Variants in PDK1 observed in about 807,000 individuals in gnomAD.
PDK1 encodes pyruvate dehydrogenase kinase 1.
In PDK1, 39 loss-of-function variants were observed where a neutral mutation model predicts 54.2. That is an observed-to-expected ratio of 0.72 (90% CI 0.56 to 0.94). PDK1 has a LOEUF of 0.94. PDK1 is among the 40% of genes least tolerant of loss of function. The pLI is 0.00. For missense variants in PDK1, 552 were observed against 566.0 expected, an observed-to-expected ratio of 0.98 and a Z score of 0.25; for synonymous variants, 221 against 207.1, an observed-to-expected ratio of 1.07 and a Z score of -0.58.
chr2:172,556,205 C>T lies in PDK1; in HGVS notation c.55C>T (p.Leu19=). ...CGCCTTGGCCGGCCCGGGCCCGGGGCTGCGCGCCGCCGGCTTCAGCCGCAG... is the reference window on the plus strand; with the variant it reads ...CGCCTTGGCCGGCCCGGGCCCGGGGTTGCGCGCCGCCGGCTTCAGCCGCAG... ...GAALAGPGPG[L]RAAGFSRSFS... The change falls in exon 1 of 11, where the codon CTG becomes TTG. Residue 19 remains leucine (L), a synonymous_variant. Coordinates refer to ENST00000282077, the MANE Select transcript of PDK1 (RefSeq NM_002610.5). 1 of 1,417,254 alleles carries T rather than the reference C, an allele frequency of 7.1e-7. No homozygotes were observed. The highest frequency in any genetic ancestry group is 1.5e-5 in the South Asian group (1 of 67,830). 87.8% of individuals were successfully genotyped at this position (1,417,254 alleles called of 1,614,324 possible).
intron 2 of PDK1, among the ~76,000 whole-genome samples, chr2:172,560,154 T>G (rs1055861030): frequency 1.3e-5 from 2 of 152,244 alleles, no homozygotes; most frequent in Admixed American, 6.5e-5. Context: ...CTGTTTATTA[T>G]TTTTTAAATT....
chr2:172,664,217 G>A, the PDK1 span, among the ~76,000 whole-genome samples: 2 of 137,912 alleles, frequency 1.5e-5, no homozygotes, highest in African/African-American at 5.5e-5. Context: ...AGGCTGAGGT[G>A]GGAGAATTGC....
chr2:172,570,777 C>G lies in PDK1; in HGVS notation c.898C>G (p.Pro300Ala), dbSNP rs755995707. Reference sequence around the variant, plus strand: ...CCATGCCAACAGAGGTGTTTACCCCCCTATTCAAGTTCATGTCACGCTGGG... The same window carrying G: ...CCATGCCAACAGAGGTGTTTACCCCGCTATTCAAGTTCATGTCACGCTGGG... ...EHHANRGVYP[P>A]IQVHVTLGNE... Residue 300 changes from proline (P) to alanine (A), a missense_variant, in exon 8 of 11, where the codon CCT (proline) becomes GCT (alanine). Physicochemically the swap from Pro to Ala is conservative, Grantham distance 27. Transcript: ENST00000282077. The G allele has an allele frequency of 1.2e-5, 20 of 1,612,110 alleles. No individual in the cohort carries two copies. Among genetic ancestry groups the G allele is most frequent in the Admixed American group, 1.7e-5 (1 of 59,984 alleles).
the PDK1 span, among the ~76,000 whole-genome samples, chr2:172,700,803 A>G: frequency 6.6e-6 from 1 of 152,182 alleles, no homozygotes; most frequent in Admixed American, 6.5e-5. Context: ...GGAGCTGGAG[A>G]CCAGCCTGGC....
At chr2:172,723,824 C>G in the PDK1 span, 11 of 152,170 alleles carry the variant, frequency 7.2e-5, no homozygotes, top group Admixed American at 7.2e-4. Flanking sequence ...CACTTACTCT[C>G]AAAGGATGAG....
chr2:172,622,866 A>G, the PDK1 span, among the ~76,000 whole-genome samples: 6 of 147,216 alleles, frequency 4.1e-5, no homozygotes, highest in Non-Finnish European at 6.0e-5. Flanking sequence ...TATGTAATAT[A>G]ATATGATATA....
At chr2:172,622,129 CATATT>C in the PDK1 span, among the ~76,000 whole-genome samples, 28 of 104,148 alleles carry the variant, frequency 2.7e-4, no homozygotes, top group South Asian at 3.9e-3. Context: ...GTTTATATCT[CATATT>C]ATGTGAGATA....
chr2:172,697,166 A>C, the PDK1 span, among the ~76,000 whole-genome samples: 1 of 152,130 alleles, frequency 6.6e-6, no homozygotes, highest in Admixed American at 6.5e-5. Context: ...TTGCTGCCTT[A>C]AGAAAATCTA....
At chr2:172,557,031 C>A (rs573423873) in intron 1 of PDK1, among the ~76,000 whole-genome samples, 1 of 151,924 alleles carries the variant, frequency 6.6e-6, no homozygotes, top group Admixed American at 6.6e-5. Context: ...CATGTGAAGG[C>A]GATGAGGGGA....
the PDK1 span, among the ~76,000 whole-genome samples, chr2:172,620,519 G>C: frequency 2.0e-5 from 3 of 152,124 alleles, no homozygotes; most frequent in Admixed American, 2.0e-4. Context: ...ATCCTATGCA[G>C]GCTCATTCTG....
At chr2:172,588,729 T>C (rs1389357994) in intron 9 of PDK1, among the ~76,000 whole-genome samples, 1 of 151,900 alleles carries the variant, frequency 6.6e-6, no homozygotes, top group African/African-American at 2.4e-5. Context: ...CCCACAGGAG[T>C]GGCTTTCTTG....
chr2:172,574,377 C>A (rs141260536), intron 8 of PDK1, among the ~76,000 whole-genome samples: 22 of 152,280 alleles, frequency 1.4e-4, no homozygotes, highest in Non-Finnish European at 3.2e-4. Flanking sequence ...CCTACAACTT[C>A]TTTTTCAAGA....
intron 8 of PDK1, among the ~76,000 whole-genome samples, chr2:172,572,246 C>T (rs535824130): frequency 6.6e-6 from 1 of 152,132 alleles, no homozygotes; most frequent in Non-Finnish European, 1.5e-5. Context: ...GCCAGTTTCC[C>T]TATACTATTA....
the PDK1 span, among the ~76,000 whole-genome samples, chr2:172,686,736 A>G: frequency 6.6e-6 from 1 of 152,220 alleles, no homozygotes; most frequent in African/African-American, 2.4e-5. Flanking sequence ...ATTCACTGCA[A>G]AGGTCTGCAG....
At chr2:172,708,283 A>G in the PDK1 span, among the ~76,000 whole-genome samples, 6 of 152,280 alleles carry the variant, frequency 3.9e-5, 1 homozygote, top group African/African-American at 1.4e-4. Flanking sequence ...AGTGAAAAAA[A>G]AAAAAGAAAA....
the PDK1 span, among the ~76,000 whole-genome samples, chr2:172,664,311 C>CAAAAAAAAA: frequency 1.1e-3 from 47 of 44,162 alleles, 9 homozygotes; most frequent in East Asian, 0.014. Context: ...AACTCTGCCT[C>CAAAAAAAAA]AAAAAAAAAA....
downstream of PDK1, among the ~76,000 whole-genome samples, chr2:172,613,616 C>G (rs1691528871): frequency 6.6e-6 from 1 of 152,168 alleles, no homozygotes; most frequent in Admixed American, 6.5e-5. Context: ...CCATGCCCAC[C>G]TTTGACTTTT....
At chr2:172,623,268 A>C in the PDK1 span, among the ~76,000 whole-genome samples, 1 of 152,168 alleles carries the variant, frequency 6.6e-6, no homozygotes, top group Non-Finnish European at 1.5e-5. Flanking sequence ...TCATTCCACT[A>C]AGTGTACAGA....
the PDK1 span, among the ~76,000 whole-genome samples, chr2:172,686,250 T>C: frequency 1.4e-4 from 22 of 152,308 alleles, 1 homozygote; most frequent in East Asian, 3.3e-3. Flanking sequence ...GATCTCCCTT[T>C]GAGAAGTGAA....
Sources: allele counts gnomAD v4.1 joint callset (sites outside exome capture counted in the v4.1 genomes callset), GRCh38; gene constraint gnomAD v4.1.1; transcripts MANE v1.5; gene names NCBI Gene and HGNC (gene_info 2026-07-23, HGNC 2026-07-21).